ELMO2: variants seen among roughly 807,000 people sequenced by gnomAD.
The protein encoded by ELMO2 is engulfment and cell motility protein 2.
In ELMO2, 37 loss-of-function variants were observed where a neutral mutation model predicts 96.2. The ratio of observed to expected loss-of-function variants is 0.38; its 90% CI spans 0.30 to 0.51. ELMO2 has a LOEUF of 0.51. Ranked by LOEUF, ELMO2 falls within the 20% of genes least tolerant of loss-of-function variation. The pLI is 0.88. For missense variants in ELMO2, 561 were observed against 912.6 expected, an observed-to-expected ratio of 0.61 and a Z score of 4.96; for synonymous variants, 315 against 329.4, an observed-to-expected ratio of 0.96 and a Z score of 0.47.
At chr20:46,393,892 T>C (rs1275740098) in intron 4 of ELMO2, 157 bp downstream of exon 4, 5 of 1,012,960 alleles carry the variant, frequency 4.9e-6, no homozygotes, top group African/African-American at 3.2e-5. Context: ...AGGGGTATGG[T>C]TGTCAACTGT....
chr20:46,369,204 T>C, intron 20 of ELMO2: 2 of 463,768 alleles, frequency 4.3e-6, no homozygotes, highest in Non-Finnish European at 7.8e-6. Context: ...ATTTTTAAGA[T>C]TGGAAAAAAG....
chr20:46,380,199 A>G, intron 11 of ELMO2, 54 bp downstream of exon 11: 1 of 1,401,386 alleles, frequency 7.1e-7, no homozygotes, highest in Non-Finnish European at 1.0e-6. Context: ...ATTAACAATA[A>G]CAGTAATAAT....
intron 11 of ELMO2, among the ~76,000 whole-genome samples, chr20:46,378,323 T>C (rs1295712569): frequency 6.6e-6 from 1 of 152,178 alleles, no homozygotes; most frequent in Non-Finnish European, 1.5e-5. Flanking sequence ...GCCACTTAAG[T>C]CCTGAGTCCT....
intron 13 of ELMO2, among the ~76,000 whole-genome samples, 189 bp from the exon 14 acceptor site, chr20:46,374,829 C>A (rs1345690888): frequency 6.6e-6 from 1 of 152,142 alleles, no homozygotes; most frequent in East Asian, 1.9e-4. Flanking sequence ...GCTGCCTCAC[C>A]ATGCATCCCA....
At chr20:46,367,610 G>C in intron 21 of ELMO2, 50 bp from the exon 22 acceptor site, 1 of 1,496,064 alleles carries the variant, frequency 6.7e-7, no homozygotes, top group Non-Finnish European at 9.1e-7. Context: ...TGGTCAGCAG[G>C]AGATCCTGCC....
At position 46,383,282 on chromosome 20, in the gene ELMO2, C is replaced by A; in HGVS notation, c.756+134G>T. The A allele has an allele frequency of 3.2e-6, 3 of 951,350 alleles. No individual in the cohort carries two copies. In the Admixed American group the frequency reaches 6.1e-5, roughly 19 times the overall value. The allele number at this position is 951,350 out of a possible 1,614,324, so 58.9% of individuals were successfully genotyped here. On this transcript the variant is annotated intron_variant, in intron 10 of 21. Transcript: ENST00000290246. ...CTTAGCAAAGCCACCCTCCTGGGCT[C>A]CAGACCAGACAGCTAAGAGGAAGAA...
At chr20:46,368,181 C>A (rs1019172444) in intron 21 of ELMO2, among the ~76,000 whole-genome samples, 82 of 152,264 alleles carry the variant, frequency 5.4e-4, no homozygotes, top group African/African-American at 1.9e-3. Flanking sequence ...TCCTCTCAAC[C>A]AAATTCCACT....
intron 10 of ELMO2, among the ~76,000 whole-genome samples, chr20:46,380,637 T>C (rs1600845400): frequency 6.6e-6 from 1 of 152,252 alleles, no homozygotes; most frequent in South Asian, 2.1e-4. Context: ...CACAGAGCAG[T>C]GTGATGGTTT....
At position 46,371,440 on chromosome 20, in the gene ELMO2, C is replaced by A; in HGVS notation, c.1713G>T (p.Arg571=). 1 of 1,614,234 alleles carries A rather than the reference C, an allele frequency of 6.2e-7. No homozygotes were observed. Among genetic ancestry groups the A allele is most frequent in the Non-Finnish European group, 8.5e-7 (1 of 1,180,052 alleles). Residue 571 remains arginine, a synonymous_variant, in exon 19 of 22, where the codon CGG becomes CGT. Transcript: ENST00000290246. The surrounding 1 kb of genome is among the most constrained non-coding windows in gnomAD (Gnocchi z 5.9). Reference sequence around the variant, plus strand: ...GAAGGACCTTGTGGTTCAGTGCCAACCGGCAGTACCAGAACCGTTCTGGAA... The same window carrying A: ...GAAGGACCTTGTGGTTCAGTGCCAAACGGCAGTACCAGAACCGTTCTGGAA... The part of the protein sequence containing the change: ...RRRQERFWYC[R]LALNHKVLHY...
chr20:46,400,005 C>T (rs1024421303), intron 1 of ELMO2, among the ~76,000 whole-genome samples: 6 of 152,064 alleles, frequency 3.9e-5, no homozygotes, highest in Non-Finnish European at 7.4e-5. Context: ...GGCATGGTGG[C>T]GTGTGCCTGT....
intron 1 of ELMO2, among the ~76,000 whole-genome samples, chr20:46,404,153 T>C (rs1468885702): frequency 6.6e-6 from 1 of 152,094 alleles, no homozygotes; most frequent in African/African-American, 2.4e-5. Flanking sequence ...AGATGCTGCA[T>C]GGTATGTGTT....
At position 46,374,360 on chromosome 20, in the gene ELMO2, G is replaced by C. The variant is rs144892084; in HGVS notation, c.1251C>G (p.Leu417=). The C allele has an allele frequency of 6.6e-5, 107 of 1,614,124 alleles. No homozygotes were observed. In the African/African-American group the frequency reaches 1.2e-3, roughly 19 times the overall value. ...GRSAIELTKM[L]CEILQVGELP... ...GTTCCCCAACCTGCAGGATTTCACA[G>C]AGCATTTTGGTGAGCTCAATGGCAC... The change falls in exon 15 of 22, where the codon CTC becomes CTG. Residue 417 remains leucine (L), a synonymous_variant. Transcript: ENST00000290246.
chr20:46,369,964 GTGTGTGTGTGTGT>G lies in ELMO2; in HGVS notation c.1884+466_1884+478del, dbSNP rs2059667283. 5 of 5,426 alleles carry G rather than the reference GTGTGTGTGTGTGT, an allele frequency of 9.2e-4. No individual in the cohort carries two copies. In the South Asian group the frequency reaches 0.026, roughly 28 times the overall value. 0.3% of individuals were successfully genotyped at this position (5,426 alleles called of 1,614,324 possible). On this transcript the variant is annotated intron_variant, in intron 20 of 21. Coordinates refer to ENST00000290246, the MANE Select transcript of ELMO2 (RefSeq NM_133171.5). ...GTTTAGACAAGATGGGTATGGGGGT[GTGTGTGTGTGTGT>G]GTGTGTGTGTGTGTGTGTGTGTGTG...
chr20:46,383,587 A>G, intron 9 of ELMO2, 93 bp from the exon 10 acceptor site: 1 of 1,207,544 alleles, frequency 8.3e-7, no homozygotes, highest in Admixed American at 1.7e-5. Context: ...CTCACAGATT[A>G]TAAGCAAATA....
At position 46,367,417 on chromosome 20, in the gene ELMO2, G is replaced by A; in HGVS notation, c.2106C>T (p.Ala702=). ...LDLENIQIPE[A]PPPIPKEPSS... ...TGGGCTCCTTGGGGATGGGGGGTGG[G>A]GCTTCGGGAATCTGGATGTTCTCCA... Residue 702 remains alanine (A), a synonymous_variant, in exon 22 of 22, where the codon GCC becomes GCT. Coordinates refer to ENST00000290246, the MANE Select transcript of ELMO2 (RefSeq NM_133171.5). 2 of 1,611,342 alleles carry A rather than the reference G, an allele frequency of 1.2e-6. No individual in the cohort carries two copies. The highest frequency in any genetic ancestry group is 1.1e-5 in the South Asian group (1 of 90,660).
At chr20:46,391,935 T>G (rs1391073940) in intron 6 of ELMO2, among the ~76,000 whole-genome samples, 1 of 152,222 alleles carries the variant, frequency 6.6e-6, no homozygotes, top group Non-Finnish European at 1.5e-5. Flanking sequence ...CATTATCACC[T>G]TCTCTGTGTT....
chr20:46,373,614 C>T (rs2059779991), intron 15 of ELMO2, 79 bp from the exon 16 acceptor site: 4 of 1,562,798 alleles, frequency 2.6e-6, no homozygotes, highest in East Asian at 2.3e-5. Flanking sequence ...AAACTTTGCA[C>T]CAAAGTCCCG....
At chr20:46,402,845 C>T (rs1449646718) in intron 1 of ELMO2, among the ~76,000 whole-genome samples, 1 of 152,222 alleles carries the variant, frequency 6.6e-6, no homozygotes, top group Non-Finnish European at 1.5e-5. Context: ...CCTTTCTGGA[C>T]CTCAGGTCCT....
chr20:46,367,375 G>A lies in ELMO2; in HGVS notation c.2148C>T (p.Val716=). 6.4e-7 allele frequency: 1 copy of A among 1,571,426 alleles called. No individual in the cohort carries two copies. The highest frequency in any genetic ancestry group is 8.6e-7 in the Non-Finnish European group (1 of 1,158,098). ...GGCTCCAGGCTCAGCCATAGTGATAGACAAAGTCATAGCTGCTGGGCTCCT... is the reference window on the plus strand; with the variant it reads ...GGCTCCAGGCTCAGCCATAGTGATAAACAAAGTCATAGCTGCTGGGCTCCT... ...IPKEPSSYDF[V]YHYG is the part of the protein sequence containing the mutation. Residue 716 remains valine (V), a synonymous_variant, in exon 22 of 22, where the codon GTC becomes GTT. Coordinates refer to ENST00000290246, the MANE Select transcript of ELMO2 (RefSeq NM_133171.5).
Sources: gnomAD v4.1 joint callset for allele counts (sites outside exome capture counted in the v4.1 genomes callset) on GRCh38, gnomAD v4.1.1 for gene constraint, Gnocchi (gnomAD v3.1) non-coding constraint, MANE v1.5 for transcripts, NCBI Gene and HGNC (gene_info 2026-07-23, HGNC 2026-07-21) for gene names.